The following CEP192 variants were observed in gnomAD, a reference collection of about 807,000 sequenced individuals.
CEP192 encodes the protein centrosomal protein of 192 kDa.
A neutral mutation model predicts 271.8 loss-of-function variants in CEP192; 151 were observed. That is an observed-to-expected ratio of 0.56 (90% CI 0.49 to 0.64). CEP192 has a LOEUF of 0.64. Ranked by LOEUF, CEP192 falls within the 30% of genes least tolerant of loss-of-function variation. CEP192 has a pLI of 0.00. For missense variants in CEP192, 2,910 were observed against 3,020.5 expected, an observed-to-expected ratio of 0.96 and a Z score of 0.86; for synonymous variants, 995 against 1,076.5, an observed-to-expected ratio of 0.92 and a Z score of 1.48.
At chr18:13,079,002 T>C (rs1322581840) in intron 30 of CEP192, among the ~76,000 whole-genome samples, 1 of 152,226 alleles carries the variant, frequency 6.6e-6, no homozygotes, top group African/African-American at 2.4e-5. Context: ...TTCCATGGTG[T>C]ATATATGCCA....
At chr18:13,037,199 A>G (rs2035963083) in intron 11 of CEP192, 38 bp from the exon 12 acceptor site, 5 of 819,796 alleles carry the variant, frequency 6.1e-6, no homozygotes, top group African/African-American at 5.1e-5. Context: ...TTGTTTAGGC[A>G]TTAGTGTAAT....
chr18:13,019,320 AC>A, intron 9 of CEP192, 114 bp downstream of exon 9: 1 of 861,602 alleles, frequency 1.2e-6, no homozygotes, highest in African/African-American at 1.8e-5. Context: ...TCTGAAAAAT[AC>A]AGAAAAAGTA....
intron 34 of CEP192, 142 bp from the exon 35 acceptor site, chr18:13,095,361 T>C (rs2039342166): frequency 1.5e-6 from 1 of 669,578 alleles, no homozygotes; most frequent in African/African-American, 1.8e-5. Flanking sequence ...AAATACCTGA[T>C]AACTCACTTT....
At chr18:13,113,218 C>G (rs1046090610) in intron 40 of CEP192, among the ~76,000 whole-genome samples, 1 of 152,220 alleles carries the variant, frequency 6.6e-6, no homozygotes, top group Admixed American at 6.5e-5. Flanking sequence ...TACTGCTTGG[C>G]CAGCAGAGGG....
intron 30 of CEP192, among the ~76,000 whole-genome samples, chr18:13,080,966 C>G (rs1293164222): frequency 6.6e-6 from 1 of 152,164 alleles, no homozygotes; most frequent in South Asian, 2.1e-4. Context: ...GTTGAACCAG[C>G]CTTGCATTCC....
Position 13,049,224 on chromosome 18 carries a change from A to G in CEP192, c.2433A>G (p.Leu811=). ...SRASMSDTWD[L]SLPKEQTTQD... ...CTAGTATGTCTGATACTTGGGATTT[A>G]TCTTTGCCCAAAGAACAAACTACTC... Residue 811 remains leucine (L), a synonymous_variant, in exon 16 of 45, where the codon TTA becomes TTG. Transcript: ENST00000506447. 1.2e-6 allele frequency: 2 copies of G among 1,614,122 alleles called. No individual in the cohort carries two copies. Among genetic ancestry groups the G allele is most frequent in the South Asian group, 1.1e-5 (1 of 91,086 alleles).
chr18:13,087,336 A>C, intron 31 of CEP192, 59 bp downstream of exon 31: 1 of 1,426,038 alleles, frequency 7.0e-7, no homozygotes, highest in African/African-American at 1.4e-5. Context: ...GTTAATAATT[A>C]TGTATTTTAA....
rs147298913 is a variant in CEP192 at position 13,005,950 on chromosome 18, A to G, written c.291-2506A>G. Among the ~76,000 whole-genome samples, 14 of 152,242 alleles carry G rather than the reference A, an allele frequency of 9.2e-5. No homozygotes were observed. In the East Asian group the frequency reaches 2.7e-3, roughly 29 times the overall value. ...GTATAATCTTGATAGTTGGTTTTTT[A>G]TCTGAACTATGTTTTCTCTCTGGAA... On this transcript the variant is annotated intron_variant, in intron 3 of 44. Transcript: ENST00000506447.
chr18:13,032,262 A>G (rs1598411865), intron 11 of CEP192, among the ~76,000 whole-genome samples: 1 of 152,072 alleles, frequency 6.6e-6, no homozygotes, highest in Admixed American at 6.6e-5. Context: ...ATTTCAGGGG[A>G]TAGTAGAGAG....
Position 13,037,321 on chromosome 18 carries a change from A to T in CEP192, c.1599+20A>T. 3 of 1,139,692 alleles carry T rather than the reference A, an allele frequency of 2.6e-6. No homozygotes were observed. Among genetic ancestry groups the T allele is most frequent in the Non-Finnish European group, 3.8e-6 (3 of 782,948 alleles). The allele number at this position is 1,139,692 out of a possible 1,614,324, so 70.6% of individuals were successfully genotyped here. A position where few individuals can be genotyped will look rare whatever the true frequency, so the allele number is the denominator to read the frequency against. On this transcript the variant is annotated intron_variant, in intron 12 of 44. Coordinates refer to ENST00000506447, the MANE Select transcript of CEP192 (RefSeq NM_032142.4). ...ATACAGGTTTGTAATTATTTGTTTT[A>T]TCCAAAATTTAAAATTTTTCCTGTA... is the stretch of plus-strand genomic sequence containing the variant.
chr18:13,047,287 T>C (rs894960638), intron 15 of CEP192, among the ~76,000 whole-genome samples: 2 of 152,198 alleles, frequency 1.3e-5, no homozygotes, highest in Admixed American at 1.3e-4. Flanking sequence ...CCTTTACTGC[T>C]GGGGTGTATC....
intron 10 of CEP192, 21 bp downstream of exon 10, chr18:13,030,023 A>ATT (rs767224438): frequency 1.3e-5 from 19 of 1,482,252 alleles, no homozygotes; most frequent in Non-Finnish European, 1.7e-5. Flanking sequence ...TTTTTAAAAA[A>ATT]TAGAGTGAAA....
Position 13,068,356 on chromosome 18 carries a change from T to C in CEP192, c.4759-3T>C, listed in dbSNP as rs775994522. On this transcript the variant is annotated splice_polypyrimidine_tract_variant and splice_region_variant and intron_variant, in intron 23 of 44. Coordinates refer to ENST00000506447, the MANE Select transcript of CEP192 (RefSeq NM_032142.4). ...AAGACAAATTTTTCTTTTAATTTTA[T>C]AGGATCCAGAATTTCTGATGATTTG... 1 of 1,611,348 alleles carries C rather than the reference T, an allele frequency of 6.2e-7. No homozygotes were observed. Among genetic ancestry groups the C allele is most frequent in the South Asian group, 1.1e-5 (1 of 90,414 alleles).
chr18:13,064,198 A>G (rs1471449296), intron 21 of CEP192, among the ~76,000 whole-genome samples: 3 of 152,100 alleles, frequency 2.0e-5, no homozygotes, highest in Non-Finnish European at 4.4e-5. Context: ...ATTTTTATAT[A>G]TGGCAAGAGA....
chr18:13,112,429 T>G (rs1252026477), intron 40 of CEP192, among the ~76,000 whole-genome samples: 1 of 152,216 alleles, frequency 6.6e-6, no homozygotes, highest in African/African-American at 2.4e-5. Flanking sequence ...GGCAGATCTA[T>G]AGAGAGAAAG....
chr18:13,113,836 T>A, intron 41 of CEP192, 131 bp downstream of exon 41: 1 of 915,052 alleles, frequency 1.1e-6, no homozygotes, highest in Non-Finnish European at 1.6e-6. Flanking sequence ...TTGTCTTTAT[T>A]AATTGGCATG....
At chr18:13,001,381 G>A (rs186167390) in intron 2 of CEP192, 76 bp from the exon 3 acceptor site, 131 of 1,011,492 alleles carry the variant, frequency 1.3e-4, no homozygotes, top group Non-Finnish European at 1.7e-4. Context: ...TTACTGTCAC[G>A]CAGCCCTATG....
chr18:13,078,437 G>T (rs2144565706), intron 30 of CEP192, among the ~76,000 whole-genome samples: 1 of 152,060 alleles, frequency 6.6e-6, no homozygotes, highest in South Asian at 2.1e-4. Context: ...TAATCCTTTG[G>T]GTATATACCA....
rs200309332 is a variant in CEP192 at position 13,059,295 on chromosome 18, G to A, written c.4471G>A (p.Glu1491Lys). ...ASTVTLTAIA[E>K]SPVIEVETEK... The stretch of plus-strand genomic sequence containing the variant: ...CACCGTCACTCTCACTGCCATTGCC[G>A]AGAGTCCTGTTATTGAGGTACCTGT... The change falls in exon 21 of 45, where the codon GAG becomes AAG. Residue 1491 changes from glutamate (E) to lysine (K), a missense_variant. Physicochemically the swap from Glu to Lys is moderately conservative, Grantham distance 56. Transcript: ENST00000506447. 2.2e-5 allele frequency: 35 copies of A among 1,613,608 alleles called. No homozygotes were observed. The highest frequency in any genetic ancestry group is 2.8e-5 in the Non-Finnish European group (33 of 1,179,618).
Sources: allele counts gnomAD v4.1 joint callset (sites outside exome capture counted in the v4.1 genomes callset), GRCh38; gene constraint gnomAD v4.1.1; transcripts MANE v1.5; gene names NCBI Gene and HGNC (gene_info 2026-07-23, HGNC 2026-07-21).